IL15: variants seen among roughly 807,000 people sequenced by gnomAD.
IL15 encodes interleukin-15.
IL15 carries 11 observed loss-of-function variants against 19.6 expected under a neutral mutation model. That is an observed-to-expected ratio of 0.56 (90% CI 0.35 to 0.93). IL15 has a LOEUF of 0.93. IL15 is among the 40% of genes least tolerant of loss of function. IL15 has a pLI of 0.01. For synonymous variants in IL15, 58 were observed against 59.6 expected, an observed-to-expected ratio of 0.97 and a Z score of 0.12; for missense variants, 197 against 186.5, an observed-to-expected ratio of 1.06 and a Z score of -0.33.
chr4:141,656,078 G>GT (rs969706735), intron 1 of IL15, 108 bp from the exon 2 acceptor site: 8 of 394,870 alleles, frequency 2.0e-5, no homozygotes, highest in Admixed American at 1.3e-4. Context: ...GAGTCTTCCT[G>GT]TTTTTTTATA....
At chr4:141,688,708 T>C (rs1448949353) in intron 2 of IL15, 1 of 152,306 alleles carries the variant, frequency 6.6e-6, no homozygotes, top group Non-Finnish European at 1.5e-5. Context: ...GCTTCTAATT[T>C]ACATATTCAT....
intron 2 of IL15, among the ~76,000 whole-genome samples, chr4:141,712,315 C>T (rs917478278): frequency 2.0e-5 from 3 of 152,064 alleles, no homozygotes; most frequent in Non-Finnish European, 4.4e-5. Flanking sequence ...TGTTTCCGGA[C>T]AGTAGGTTAA....
chr4:141,662,177 C>T (rs1727813519), intron 2 of IL15, among the ~76,000 whole-genome samples: 1 of 152,212 alleles, frequency 6.6e-6, no homozygotes, highest in Non-Finnish European at 1.5e-5. Context: ...TAAGTTTTGC[C>T]ATTGAGTACA....
In IL15 at chr4:141,697,487, A is replaced by G. The variant is rs1012016834; in HGVS notation, c.-99-21879A>G. Among the ~76,000 whole-genome samples, 6 of 152,094 alleles carry G rather than the reference A, an allele frequency of 3.9e-5. No individual in the cohort carries two copies. The South Asian group carries it at 1.2e-3, about 32-fold the overall frequency. On this transcript the variant is annotated intron_variant, in intron 2 of 7. Transcript: ENST00000320650. ...CTTTTTGCTTAGTCTTGCTTTTGCT[A>G]TGTGGGTTCCTTTTTGGTTCCATAT...
intron 5 of IL15, among the ~76,000 whole-genome samples, chr4:141,726,127 T>G (rs192849053): frequency 3.9e-5 from 6 of 152,114 alleles, no homozygotes; most frequent in Non-Finnish European, 8.8e-5. Context: ...CTCTCAATAC[T>G]GCCACATTGG....
intron 2 of IL15, chr4:141,715,159 A>G (rs1729839432): frequency 6.6e-6 from 1 of 152,142 alleles, no homozygotes; most frequent in Non-Finnish European, 1.5e-5. Flanking sequence ...CTGTCTGGAA[A>G]TTATATTAGT....
intron 5 of IL15, among the ~76,000 whole-genome samples, chr4:141,726,807 A>T (rs1315999866): frequency 6.6e-6 from 1 of 152,166 alleles, no homozygotes; most frequent in African/African-American, 2.4e-5. Context: ...TATTATGATG[A>T]GTGAAAAAAG....
intron 2 of IL15, among the ~76,000 whole-genome samples, chr4:141,713,710 C>T (rs148230488): frequency 1.8e-3 from 280 of 152,288 alleles, no homozygotes; most frequent in Middle Eastern, 3.4e-3. Context: ...TCTCCTTTCA[C>T]TCATGCCTAG....
intron 2 of IL15, among the ~76,000 whole-genome samples, chr4:141,706,102 A>G (rs1729505463): frequency 6.6e-6 from 1 of 151,408 alleles, no homozygotes; most frequent in African/African-American, 2.4e-5. Flanking sequence ...TAAAAAAATT[A>G]CTTTCTGGTT....
intron 2 of IL15, among the ~76,000 whole-genome samples, chr4:141,675,901 A>G (rs1189347900): frequency 6.6e-6 from 1 of 152,204 alleles, no homozygotes; most frequent in Non-Finnish European, 1.5e-5. Context: ...TCATACCTAT[A>G]GACCAAGAGA....
At chr4:141,716,477 G>A (rs531154921) in intron 2 of IL15, 1 of 152,246 alleles carries the variant, frequency 6.6e-6, no homozygotes, top group Non-Finnish European at 1.5e-5. Flanking sequence ...AATTCATGTA[G>A]TGTTAAGCCT....
intron 2 of IL15, chr4:141,715,912 A>G (rs1028797622): frequency 2.0e-5 from 3 of 152,174 alleles, no homozygotes; most frequent in African/African-American, 4.8e-5. Context: ...GTTTACAGTT[A>G]TTTTCACAAG....
At chr4:141,653,616 G>A (rs1463088007) in intron 1 of IL15, among the ~76,000 whole-genome samples, 1 of 151,716 alleles carries the variant, frequency 6.6e-6, no homozygotes, top group Admixed American at 6.6e-5. Context: ...ATACACCTTG[G>A]ATATATGTTC....
At chr4:141,705,801 G>T (rs1201790540) in intron 2 of IL15, among the ~76,000 whole-genome samples, 2 of 120,384 alleles carry the variant, frequency 1.7e-5, no homozygotes, top group East Asian at 4.3e-4. Flanking sequence ...TCCTCTTATT[G>T]AATTGATTTC....
At chr4:141,721,607 ATT>A in intron 4 of IL15, 3 of 527,486 alleles carry the variant, frequency 5.7e-6, no homozygotes, top group South Asian at 5.1e-5. Flanking sequence ...AAAATCATTT[ATT>A]GAGCATTGCC....
chr4:141,727,931 T>A lies in IL15; in HGVS notation c.196-9T>A. ...GTTTTTAATATTGTCTAATTTTGTT[T>A]CCTTTCAGTCTATGCATATTGATGC... On this transcript the variant is annotated splice_polypyrimidine_tract_variant and intron_variant, in intron 5 of 7. Transcript: ENST00000320650. 8.5e-7 allele frequency: 1 copy of A among 1,171,210 alleles called. No individual in the cohort carries two copies. The allele number at this position is 1,171,210 out of a possible 1,614,324, so 72.6% of individuals were successfully genotyped here.
intron 2 of IL15, among the ~76,000 whole-genome samples, chr4:141,686,982 A>G (rs1248565127): frequency 1.3e-5 from 2 of 152,238 alleles, no homozygotes; most frequent in Non-Finnish European, 2.9e-5. Context: ...ATTGAAATTT[A>G]TTAATTTTTT....
chr4:141,684,369 G>A (rs189331953), intron 2 of IL15, among the ~76,000 whole-genome samples: 324 of 151,914 alleles, frequency 2.1e-3, no homozygotes, highest in African/African-American at 7.5e-3. Context: ...AAAGTGATGT[G>A]TAAATTTTTT....
At chr4:141,648,760 G>T (rs1727310143) in intron 1 of IL15, among the ~76,000 whole-genome samples, 1 of 152,006 alleles carries the variant, frequency 6.6e-6, no homozygotes, top group Non-Finnish European at 1.5e-5. Context: ...TGATATTGAG[G>T]CATTCATCTT....
Sources: gnomAD v4.1 joint callset for allele counts (sites outside exome capture counted in the v4.1 genomes callset) on GRCh38, gnomAD v4.1.1 for gene constraint, MANE v1.5 for transcripts, NCBI Gene and HGNC (gene_info 2026-07-23, HGNC 2026-07-21) for gene names.